The following TSC22D1 variants were observed in gnomAD, a reference collection of about 807,000 sequenced individuals.
TSC22D1 encodes TSC22 domain family member 1.
In TSC22D1, 9 loss-of-function variants were observed where a neutral mutation model predicts 74.2. The observed-to-expected ratio is 0.12, with a 90% CI of 0.07 to 0.21. The LOEUF (loss-of-function observed/expected upper bound fraction) is 0.21. Ranked by LOEUF, TSC22D1 falls within the 10% of genes least tolerant of loss-of-function variation. The pLI is 1.00. For missense variants in TSC22D1, 1,427 were observed against 1,304.7 expected, an observed-to-expected ratio of 1.09 and a Z score of -1.44; for synonymous variants, 586 against 492.5, an observed-to-expected ratio of 1.19 and a Z score of -2.51.
intron 1 of TSC22D1, among the ~76,000 whole-genome samples, chr13:44,557,444 A>G (rs1434367566): frequency 6.6e-6 from 1 of 152,266 alleles, no homozygotes; most frequent in Non-Finnish European, 1.5e-5. Context: ...CTGGCGACAG[A>G]GCGAGACTCC....
chr13:44,551,187 G>A (rs181847030), intron 1 of TSC22D1, among the ~76,000 whole-genome samples: 2 of 151,710 alleles, frequency 1.3e-5, no homozygotes, highest in African/African-American at 4.8e-5. Context: ...TGGGAGAATC[G>A]CTTGAGCCTG....
Position 44,575,910 on chromosome 13 carries a change from G to C in TSC22D1, c.165C>G (p.Ser55=), listed in dbSNP as rs1331602815. ...GTGVGSNATS[S]EDFPPPSLLQ... Reference sequence around the variant, plus strand: ...GCAGCGACGGAGGCGGAAAATCCTCGGAAGATGTGGCATTACTACCGACGC... The same window carrying C: ...GCAGCGACGGAGGCGGAAAATCCTCCGAAGATGTGGCATTACTACCGACGC... Residue 55 remains serine (S), a synonymous_variant, in exon 1 of 3, where the codon TCC becomes TCG. Transcript: ENST00000458659. 74 of 1,613,732 alleles carry C rather than the reference G, an allele frequency of 4.6e-5. No homozygotes were observed. The highest frequency in any genetic ancestry group is 6.1e-5 in the Non-Finnish European group (72 of 1,179,980).
intron 1 of TSC22D1, among the ~76,000 whole-genome samples, chr13:44,466,511 G>A (rs1877294310): frequency 6.6e-6 from 1 of 152,204 alleles, no homozygotes; most frequent in South Asian, 2.1e-4. Context: ...GCTCATGCCT[G>A]TAATCCCAGC....
At chr13:44,436,407 A>C (rs1426168527) in intron 1 of TSC22D1, 1 of 1,416,632 alleles carries the variant, frequency 7.1e-7, no homozygotes, top group Admixed American at 2.1e-5. Context: ...ATAATCTCTC[A>C]GCAATGGACA....
intron 1 of TSC22D1, chr13:44,452,640 G>A: frequency 6.5e-6 from 1 of 154,504 alleles, no homozygotes; most frequent in Non-Finnish European, 1.4e-5. Flanking sequence ...TGACAGCCTG[G>A]TGATGCCCCC....
In TSC22D1 at chr13:44,562,528, A is replaced by AT. The variant is rs547373083; in HGVS notation, c.2912+10634dup. The stretch of plus-strand genomic sequence containing the variant: ...CAACAGTAGCATTAATGTTTTTCAC[A>AT]TTTTAAATAATTTAAGATGTACACC... On this transcript the variant is annotated intron_variant, in intron 1 of 2. Coordinates refer to ENST00000458659, the MANE Select transcript of TSC22D1 (RefSeq NM_183422.4). 2.1e-4 allele frequency among the ~76,000 whole-genome samples: 32 copies of AT among 152,254 alleles called. No individual in the cohort carries two copies. The South Asian group carries it at 5.2e-3, about 25-fold the overall frequency.
chr13:44,525,996 C>A (rs9525973), intron 1 of TSC22D1, among the ~76,000 whole-genome samples: 1 of 151,782 alleles, frequency 6.6e-6, no homozygotes, highest in African/African-American at 2.4e-5. Context: ...CAGCTCCTCA[C>A]GAGGCTGAGG....
chr13:44,509,090 C>T (rs1879566303), intron 1 of TSC22D1, among the ~76,000 whole-genome samples: 1 of 152,094 alleles, frequency 6.6e-6, no homozygotes, highest in Admixed American at 6.5e-5. Flanking sequence ...CAACCCAAGA[C>T]CCAATATAAA....
chr13:44,535,318 A>G (rs983771794), intron 1 of TSC22D1, among the ~76,000 whole-genome samples: 1 of 152,126 alleles, frequency 6.6e-6, no homozygotes, highest in African/African-American at 2.4e-5. Context: ...TAATGCAGTA[A>G]TCTAATTACC....
At chr13:44,536,630 G>A in intron 1 of TSC22D1, 5 of 616,228 alleles carry the variant, frequency 8.1e-6, no homozygotes, top group Non-Finnish European at 1.0e-5. Context: ...GTTCTTCTGG[G>A]TAAAGGAACT....
intron 1 of TSC22D1, among the ~76,000 whole-genome samples, chr13:44,561,427 T>G (rs770629906): frequency 6.6e-6 from 1 of 152,212 alleles, no homozygotes; most frequent in Non-Finnish European, 1.5e-5. Flanking sequence ...CTCCATTCCA[T>G]GTCCAATCAA....
chr13:44,468,518 A>G (rs1043929238), intron 1 of TSC22D1, among the ~76,000 whole-genome samples: 1 of 149,906 alleles, frequency 6.7e-6, no homozygotes, highest in African/African-American at 2.4e-5. Flanking sequence ...TAACTTGCCC[A>G]TAGTAGATGG....
chr13:44,455,306 A>T (rs541980204), intron 1 of TSC22D1, among the ~76,000 whole-genome samples: 4 of 152,348 alleles, frequency 2.6e-5, no homozygotes, highest in Admixed American at 1.3e-4. Context: ...GCTGTATTCA[A>T]GAGACCCAAC....
At chr13:44,556,129 T>C (rs1242154771) in intron 1 of TSC22D1, among the ~76,000 whole-genome samples, 1 of 151,932 alleles carries the variant, frequency 6.6e-6, no homozygotes, top group African/African-American at 2.4e-5. Context: ...TATTGTTAAC[T>C]ATAATTCAAA....
intron 1 of TSC22D1, among the ~76,000 whole-genome samples, chr13:44,470,416 T>G (rs149633137): frequency 6.6e-6 from 1 of 152,118 alleles, no homozygotes; most frequent in Non-Finnish European, 1.5e-5. Context: ...GAAAGGAAAA[T>G]AGATTCGCGT....
chr13:44,516,358 C>G (rs1017321923), intron 1 of TSC22D1: 1 of 463,868 alleles, frequency 2.2e-6, no homozygotes, highest in East Asian at 6.6e-5. Flanking sequence ...TTTTTAAAAA[C>G]AAATTCTCTT....
intron 1 of TSC22D1, among the ~76,000 whole-genome samples, chr13:44,447,083 T>G (rs1270340811): frequency 6.6e-6 from 1 of 152,038 alleles, no homozygotes. Context: ...CCCCTTCTCC[T>G]GCCCCTAGTA....
intron 1 of TSC22D1, among the ~76,000 whole-genome samples, chr13:44,501,545 G>C (rs988493175): frequency 6.6e-6 from 1 of 151,860 alleles, no homozygotes; most frequent in Admixed American, 6.5e-5. Flanking sequence ...GGGCACACTT[G>C]GTCCCAGAGG....
At chr13:44,556,734 C>T (rs756976781) in intron 1 of TSC22D1, among the ~76,000 whole-genome samples, 6 of 151,748 alleles carry the variant, frequency 4.0e-5, no homozygotes, top group Non-Finnish European at 5.9e-5. Context: ...GACGTGGTGA[C>T]GCACACCTGT....
Sources: allele counts gnomAD v4.1 joint callset (sites outside exome capture counted in the v4.1 genomes callset), GRCh38; gene constraint gnomAD v4.1.1; transcripts MANE v1.5; gene names NCBI Gene and HGNC (gene_info 2026-07-23, HGNC 2026-07-21).